The following GPR137 variants were observed in gnomAD, a reference collection of about 807,000 sequenced individuals.
The protein encoded by GPR137 is integral membrane protein GPR137.
A neutral mutation model predicts 38.9 loss-of-function variants in GPR137; 20 were observed. That is an observed-to-expected ratio of 0.51 (90% confidence interval 0.36 to 0.75). The LOEUF (loss-of-function observed/expected upper bound fraction) is 0.75, where lower values mean the gene tolerates loss of function less well. Ranked by LOEUF, GPR137 falls within the 30% of genes least tolerant of loss-of-function variation. The pLI is 0.00. For missense variants in GPR137, 456 were observed against 526.4 expected, an observed-to-expected ratio of 0.87 and a Z score of 1.31; for synonymous variants, 226 against 235.8, an observed-to-expected ratio of 0.96 and a Z score of 0.38.
At chr11:64,280,493 A>G (rs1468503507), upstream of GPR137, among the ~76,000 whole-genome samples, 2 of 145,698 alleles carry the variant, frequency 1.4e-5, no homozygotes, top group Non-Finnish European at 3.0e-5. Context: ...CTGGGACTAT[A>G]GGCACCCACC....
At position 64,286,475 on chromosome 11, in the gene GPR137, C is replaced by T; in HGVS notation, c.-50C>T. 1 of 1,564,308 alleles carries T rather than the reference C, an allele frequency of 6.4e-7. No individual in the cohort carries two copies. The highest frequency in any genetic ancestry group is 8.7e-7 in the Non-Finnish European group (1 of 1,152,734). ...CTCCGTATTTATTTCCCTGGTCCCG[C>T]CGACAGTCCCTCCTTGTCTGTCTCC... On this transcript the variant is annotated 5_prime_UTR_variant, in exon 1 of 7. Transcript: ENST00000438980.
At chr11:64,284,837 T>G, upstream of GPR137, 2 of 1,477,104 alleles carry the variant, frequency 1.4e-6, no homozygotes, top group South Asian at 1.2e-5. Flanking sequence ...GTCCGCATCC[T>G]TTTTCCTCCC....
At chr11:64,276,115 C>T (rs1175299230) in intron 1 of GPR137, among the ~76,000 whole-genome samples, 2 of 152,076 alleles carry the variant, frequency 1.3e-5, no homozygotes, top group Non-Finnish European at 1.5e-5. Flanking sequence ...GGGGAAGGCC[C>T]CTTTGGGCCT....
upstream of GPR137, chr11:64,271,870 G>A: frequency 7.9e-7 from 1 of 1,262,280 alleles, no homozygotes; most frequent in Admixed American, 3.9e-5. Context: ...GGCCCTGCCT[G>A]AACCCTCCCC....
At position 64,285,904 on chromosome 11, in the gene GPR137, T is replaced by C; in HGVS notation, c.-621T>C. ...GGGTCCCCACGACCTGAGCCGGCTC[T>C]CCCATCAGCGGCCTGAGGACCTGGC... On this transcript the variant is annotated 5_prime_UTR_variant, in exon 1 of 7. Transcript: ENST00000438980. 2 of 970,450 alleles carry C rather than the reference T, an allele frequency of 2.1e-6. No homozygotes were observed. Among genetic ancestry groups the C allele is most frequent in the Non-Finnish European group, 2.4e-6 (2 of 816,486 alleles). 60.1% of individuals were successfully genotyped at this position (970,450 alleles called of 1,614,324 possible).
upstream of GPR137, chr11:64,285,451 AGGCCCGGGGGCGG>A (rs904522786): frequency 3.7e-5 from 36 of 983,626 alleles, no homozygotes; most frequent in South Asian, 7.1e-4. Flanking sequence ...CCGCGGGTTC[AGGCCCGGGGGCGG>A]GGCCCGGGGG....
upstream of GPR137, among the ~76,000 whole-genome samples, chr11:64,280,358 A>ATTT (rs1168306795): frequency 1.5e-5 from 2 of 132,316 alleles, no homozygotes; most frequent in East Asian, 4.4e-4. Context: ...AATAATAATA[A>ATTT]TTTTTTTTTT....
chr11:64,271,864 C>G, upstream of GPR137: 1 of 1,276,956 alleles, frequency 7.8e-7, no homozygotes, highest in Non-Finnish European at 1.0e-6. Context: ...GCCCCTGGCC[C>G]TGCCTGAACC....
At chr11:64,279,206 C>T (rs1326960147) in intron 2 of GPR137, among the ~76,000 whole-genome samples, 5 of 152,162 alleles carry the variant, frequency 3.3e-5, no homozygotes, top group Admixed American at 6.5e-5. Flanking sequence ...CATCAAATAA[C>T]TCCATCCCAA....
chr11:64,279,758 A>G (rs1172627373), upstream of GPR137, among the ~76,000 whole-genome samples: 1 of 73,520 alleles, frequency 1.4e-5, no homozygotes. Flanking sequence ...GTAAGACTCT[A>G]TCTCAAAAAA....
chr11:64,283,015 C>CTG (rs2033591666), upstream of GPR137, among the ~76,000 whole-genome samples: 1 of 152,174 alleles, frequency 6.6e-6, no homozygotes, highest in Non-Finnish European at 1.5e-5. Context: ...GATCGCACCT[C>CTG]TGTACTCCCT....
chr11:64,280,215 G>A (rs34298731), upstream of GPR137, among the ~76,000 whole-genome samples: 15 of 150,660 alleles, frequency 1.0e-4, no homozygotes, highest in Admixed American at 9.2e-4. Context: ...AGCTACTCTG[G>A]AGGCTGAGGC....
At chr11:64,275,891 G>C (rs2033022183) in intron 1 of GPR137, 1 of 152,052 alleles carries the variant, frequency 6.6e-6, no homozygotes. Context: ...TTTGATCCTT[G>C]CCACACCCTA....
At chr11:64,284,818 A>G (rs1367697010), upstream of GPR137, 8 of 1,527,356 alleles carry the variant, frequency 5.2e-6, no homozygotes, top group Admixed American at 2.0e-5. Flanking sequence ...GCCGGATCCA[A>G]GGCTCCTCGT....
upstream of GPR137, chr11:64,284,492 G>A: frequency 1.3e-6 from 2 of 1,579,374 alleles, no homozygotes; most frequent in Non-Finnish European, 1.7e-6. Flanking sequence ...AGGCCCGCCA[G>A]GCCTCCTGGG....
chr11:64,272,792 T>C (rs969283559), upstream of GPR137: 1 of 152,298 alleles, frequency 6.6e-6, no homozygotes, highest in Non-Finnish European at 1.5e-5. Context: ...AGTCCAGTGA[T>C]GATCAGCGGA....
upstream of GPR137, among the ~76,000 whole-genome samples, chr11:64,274,366 G>A (rs2032886068): frequency 6.8e-6 from 1 of 147,854 alleles, no homozygotes; most frequent in Non-Finnish European, 1.5e-5. Flanking sequence ...CAGCCTGGGT[G>A]ACAGAGTGAA....
upstream of GPR137, among the ~76,000 whole-genome samples, chr11:64,279,618 T>G (rs1428265411): frequency 1.3e-5 from 2 of 151,194 alleles, no homozygotes; most frequent in Admixed American, 6.6e-5. Flanking sequence ...ACACAAAAAT[T>G]AGCTGGGCAT....
At chr11:64,284,276 G>A (rs777335964), upstream of GPR137, 1 of 1,611,584 alleles carries the variant, frequency 6.2e-7, no homozygotes, top group South Asian at 1.1e-5. Context: ...CGGAGCCTGA[G>A]GGCCCGTCCC....
Sources: allele counts gnomAD v4.1 joint callset (sites outside exome capture counted in the v4.1 genomes callset), GRCh38; gene constraint gnomAD v4.1.1; transcripts MANE v1.5; gene names NCBI Gene and HGNC (gene_info 2026-07-23, HGNC 2026-07-21).